CALB2: variants seen among roughly 807,000 people sequenced by gnomAD.
CALB2 encodes calbindin 2.
Under a neutral mutation model 45.9 loss-of-function variants are expected in CALB2, and 34 were observed. The ratio of observed to expected loss-of-function variants is 0.74; its 90% CI spans 0.56 to 0.99. The LOEUF (loss-of-function observed/expected upper bound fraction) is 0.99, where lower values mean the gene tolerates loss of function less well. CALB2 is among the 50% of genes least tolerant of loss of function. The pLI is 0.00. For synonymous variants in CALB2, 142 were observed against 129.6 expected, an observed-to-expected ratio of 1.10 and a Z score of -0.65; for missense variants, 344 against 339.3, an observed-to-expected ratio of 1.01 and a Z score of -0.11.
chr16:71,361,063 C>T (rs1272396443), intron 1 of CALB2, among the ~76,000 whole-genome samples: 3 of 152,154 alleles, frequency 2.0e-5, no homozygotes, highest in Non-Finnish European at 4.4e-5. Flanking sequence ...TAAGCTACCA[C>T]CAAACCCATG....
In CALB2 at chr16:71,390,003, T is replaced by C. The variant is rs8063760; in HGVS notation, c.*138T>C. ...ACACACCTGCCTGCAGAGCAGGAAA[T>C]GAGAGATAGAGGATGGGCAGCTGGG... On this transcript the variant is annotated 3_prime_UTR_variant, in exon 11 of 11. Transcript: ENST00000302628. The C allele has an allele frequency of 0.74, 470,482 of 638,652 alleles. 174,442 individuals are homozygous for C. The highest frequency in any genetic ancestry group is 0.86 in the Admixed American group (33,680 of 39,138). 39.6% of individuals were successfully genotyped at this position (638,652 alleles called of 1,614,324 possible). A position where few individuals can be genotyped will look rare whatever the true frequency, so the allele number is the denominator to read the frequency against.
chr16:71,372,559 G>A (rs1488352635), intron 2 of CALB2, among the ~76,000 whole-genome samples: 2 of 152,172 alleles, frequency 1.3e-5, no homozygotes. Context: ...TCCCTCAGGT[G>A]CTTAGGGGTC....
intron 1 of CALB2, among the ~76,000 whole-genome samples, chr16:71,365,393 G>A (rs2042273459): frequency 1.3e-5 from 2 of 152,212 alleles, no homozygotes. Flanking sequence ...CTGAAGGGCT[G>A]CTTAGAACAC....
At chr16:71,381,085 A>G (rs2042486006) in intron 4 of CALB2, among the ~76,000 whole-genome samples, 1 of 152,210 alleles carries the variant, frequency 6.6e-6, no homozygotes, top group Admixed American at 6.5e-5. Context: ...TGCTCTGTGC[A>G]GGGACTGGGG....
At chr16:71,388,334 CAAAA>C (rs71153632) in intron 10 of CALB2, among the ~76,000 whole-genome samples, 84 of 103,376 alleles carry the variant, frequency 8.1e-4, no homozygotes, top group Middle Eastern at 5.1e-3. Context: ...GACCTTATCT[CAAAA>C]AAAAAAAAAA....
chr16:71,380,301 T>C (rs1227924643), intron 4 of CALB2, among the ~76,000 whole-genome samples: 1 of 69,594 alleles, frequency 1.4e-5, no homozygotes, highest in South Asian at 6.5e-4. Context: ...TCTTTTTTTT[T>C]TTTTTTTTTT....
At chr16:71,361,823 G>T (rs1295293524) in intron 1 of CALB2, among the ~76,000 whole-genome samples, 1 of 152,168 alleles carries the variant, frequency 6.6e-6, no homozygotes, top group African/African-American at 2.4e-5. Context: ...TGTATGTTTG[G>T]AGAGTGAGAA....
At chr16:71,389,205 A>T (rs988368080) in intron 10 of CALB2, among the ~76,000 whole-genome samples, 17 of 152,196 alleles carry the variant, frequency 1.1e-4, no homozygotes, top group African/African-American at 3.9e-4. Context: ...AAAAAATAAA[A>T]AAAATTCCTT....
At position 71,384,320 on chromosome 16, in the gene CALB2, T is replaced by C; in HGVS notation, c.534-19T>C. 1 of 1,611,344 alleles carries C rather than the reference T, an allele frequency of 6.2e-7. No individual in the cohort carries two copies. Among genetic ancestry groups the C allele is most frequent in the Non-Finnish European group, 8.5e-7 (1 of 1,177,860 alleles). Reference sequence around the variant, plus strand: ...GCCTGTGCAGTCTCCTCATCTCTGCTCTAACATTTTCTCCCCAGACTCCTG... The same window carrying C: ...GCCTGTGCAGTCTCCTCATCTCTGCCCTAACATTTTCTCCCCAGACTCCTG... On this transcript the variant is annotated intron_variant, in intron 7 of 10. Transcript: ENST00000302628.
intron 1 of CALB2, 72 bp downstream of exon 1, chr16:71,358,958 G>T: frequency 7.6e-7 from 1 of 1,319,850 alleles, no homozygotes; most frequent in Non-Finnish European, 1.1e-6. Context: ...AGGGGGCGGC[G>T]CTGAATGCGG....
At chr16:71,384,298 T>C in intron 7 of CALB2, 41 bp from the exon 8 acceptor site, 1 of 1,571,604 alleles carries the variant, frequency 6.4e-7, no homozygotes, top group Non-Finnish European at 8.8e-7. Flanking sequence ...TGCCCTTGCC[T>C]GTGCAGTCTC....
rs1385373288 is a variant in CALB2 at position 71,358,814 on chromosome 16, C to T, written c.22C>T (p.Pro8Ser). MAGPQQQ[P>S]PYLHLAELTA... ...CGCCATGGCTGGCCCGCAGCAGCAG[C>T]CCCCTTACCTGCACCTGGCCGAGCT... Residue 8 changes from proline (P) to serine (S), a missense_variant, in exon 1 of 11, where the codon CCC becomes TCC. Pro to Ser is a moderately conservative substitution (Grantham distance 74, BLOSUM62 -1). This residue lies in a region of CALB2 where 77 missense variants were observed against 80.5 expected (regional missense o/e 0.96). Coordinates refer to ENST00000302628, the MANE Select transcript of CALB2 (RefSeq NM_001740.5). The T allele has an allele frequency of 1.2e-6, 2 of 1,610,208 alleles. No individual in the cohort carries two copies. Among genetic ancestry groups the T allele is most frequent in the Non-Finnish European group, 1.7e-6 (2 of 1,179,060 alleles).
At chr16:71,388,347 A>AG (rs200425597) in intron 10 of CALB2, among the ~76,000 whole-genome samples, 1 of 91,092 alleles carries the variant, frequency 1.1e-5, no homozygotes, top group East Asian at 3.3e-4. Context: ...AAAAAAAAAA[A>AG]AAAAGAAAAA....
chr16:71,367,353 C>T (rs1439630447), intron 1 of CALB2, among the ~76,000 whole-genome samples: 1 of 152,144 alleles, frequency 6.6e-6, no homozygotes, highest in African/African-American at 2.4e-5. Context: ...ACCAGTCACC[C>T]CACCCGCTGC....
At chr16:71,363,576 G>A (rs538746677) in intron 1 of CALB2, among the ~76,000 whole-genome samples, 51 of 152,260 alleles carry the variant, frequency 3.3e-4, no homozygotes, top group Non-Finnish European at 7.2e-4. Flanking sequence ...TCCAGGGCAC[G>A]GGTCACTGCT....
intron 2 of CALB2, among the ~76,000 whole-genome samples, chr16:71,374,459 G>A (rs1210696388): frequency 6.6e-6 from 1 of 152,174 alleles, no homozygotes; most frequent in Non-Finnish European, 1.5e-5. Context: ...CTATAGAGTT[G>A]TAGCTTAATC....
At position 71,385,577 on chromosome 16, in the gene CALB2, G is replaced by T. The variant is rs755767764; in HGVS notation, c.628G>T (p.Asp210Tyr). ...FNAIFTFYDK[D>Y]RSGYIDEHEL... Reference sequence around the variant, plus strand: ...GGGTTGACTCTGCTCCCATCCCCAGGATAGAAGCGGCTACATTGACGAGCA... The same window carrying T: ...GGGTTGACTCTGCTCCCATCCCCAGTATAGAAGCGGCTACATTGACGAGCA... The change falls in exon 10 of 11, where the codon GAT becomes TAT. Residue 210 changes from aspartate (D) to tyrosine (Y), a missense_variant and splice_region_variant. Asp to Tyr is a radical substitution (Grantham distance 160, BLOSUM62 -3). Around this residue, in one of 3 missense-constraint regions of CALB2, gnomAD observed 263 missense variants for 241.7 expected, o/e 1.09. Coordinates refer to ENST00000302628, the MANE Select transcript of CALB2 (RefSeq NM_001740.5). 1 of 1,614,080 alleles carries T rather than the reference G, an allele frequency of 6.2e-7. No individual in the cohort carries two copies. Among genetic ancestry groups the T allele is most frequent in the Admixed American group, 1.7e-5 (1 of 60,032 alleles).
chr16:71,389,107 G>C (rs1315851517), intron 10 of CALB2, among the ~76,000 whole-genome samples: 1 of 151,708 alleles, frequency 6.6e-6, no homozygotes, highest in African/African-American at 2.4e-5. Context: ...AGAATCGCTT[G>C]AACCCGGGAG....
rs2042562246 is a variant in CALB2 at position 71,385,657 on chromosome 16, C to T, written c.699+9C>T. ...ACGAGAAAAACAAAAAGGTGAGCAG[C>T]CAAGCCTGAGGCCCGGCCACTGTCC... On this transcript the variant is annotated intron_variant, in intron 10 of 10. Coordinates refer to ENST00000302628, the MANE Select transcript of CALB2 (RefSeq NM_001740.5). The T allele has an allele frequency of 6.2e-7, 1 of 1,612,952 alleles. No individual in the cohort carries two copies.
Sources: allele counts gnomAD v4.1 joint callset (sites outside exome capture counted in the v4.1 genomes callset), GRCh38; gene constraint gnomAD v4.1.1; regional missense constraint gnomAD v4.1.1; transcripts MANE v1.5; gene names NCBI Gene and HGNC (gene_info 2026-07-23, HGNC 2026-07-21).